FRAS1: variants seen among roughly 807,000 people sequenced by gnomAD.
The protein encoded by FRAS1 is Fraser extracellular matrix complex subunit 1, also known as extracellular matrix organizing protein FRAS1.
In FRAS1, 290 loss-of-function variants were observed where a neutral mutation model predicts 435.2. That is an observed-to-expected ratio of 0.67 (90% confidence interval 0.61 to 0.73). The LOEUF (loss-of-function observed/expected upper bound fraction) is 0.73. Ranked by LOEUF, FRAS1 falls within the 30% of genes least tolerant of loss-of-function variation. FRAS1 has a pLI of 0.00. For synonymous variants in FRAS1, 1,800 were observed against 1,851.0 expected (o/e 0.97, Z 0.71); for missense variants, 4,860 against 5,001.5 (o/e 0.97, Z 0.85).
At chr4:78,198,083 C>T (rs1306672790) in intron 2 of FRAS1, among the ~76,000 whole-genome samples, 1 of 152,166 alleles carries the variant, frequency 6.6e-6, no homozygotes, top group Non-Finnish European at 1.5e-5. Flanking sequence ...AGTGACAGTT[C>T]CATGAGAGGC....
At chr4:78,144,476 G>T (rs1560547958) in intron 2 of FRAS1, among the ~76,000 whole-genome samples, 1 of 149,478 alleles carries the variant, frequency 6.7e-6, no homozygotes, top group Non-Finnish European at 1.5e-5. Context: ...GTGTGTGTGT[G>T]TTTTGTTTGT....
At chr4:78,208,087 C>G (rs990339342) in intron 2 of FRAS1, among the ~76,000 whole-genome samples, 19 of 152,166 alleles carry the variant, frequency 1.2e-4, no homozygotes, top group Admixed American at 2.0e-4. Context: ...GTATCCACAG[C>G]TGAGAGACCT....
chr4:78,072,153 A>T (rs1038199240), intron 2 of FRAS1: 7 of 152,126 alleles, frequency 4.6e-5, no homozygotes, highest in African/African-American at 1.7e-4. Context: ...AAATTTTTTA[A>T]CTCATGGGAG....
At chr4:78,445,734 AAGGTTGAGCCCTTGACCACAAT>A in intron 42 of FRAS1, 22 bp downstream of exon 42, 7 of 1,613,670 alleles carry the variant, frequency 4.3e-6, no homozygotes, top group South Asian at 1.1e-5. Context: ...GGAAGTTGGA[AAGGTTGAGCCCTTGACCACAAT>A]ATTTCACACC....
intron 2 of FRAS1, among the ~76,000 whole-genome samples, chr4:78,151,328 A>C (rs1037167056): frequency 6.6e-6 from 1 of 152,136 alleles, no homozygotes; most frequent in Non-Finnish European, 1.5e-5. Flanking sequence ...CTTTGTTCCA[A>C]AATGTTTATT....
rs371731255 is a variant in FRAS1 at position 78,161,493 on chromosome 4, A to C, written c.109-76017A>C. 5.3e-5 allele frequency among the ~76,000 whole-genome samples: 8 copies of C among 152,218 alleles called. No individual in the cohort carries two copies. In the East Asian group the frequency reaches 1.5e-3, roughly 29 times the overall value. On this transcript the variant is annotated intron_variant, in intron 2 of 73. Transcript: ENST00000512123. ...CCTTGGATGATTGTTTTGGTGATTA[A>C]ATGGAATAATCTAGACAGGGCAGTT...
chr4:78,211,407 G>A (rs914261195), intron 2 of FRAS1, among the ~76,000 whole-genome samples: 1 of 152,204 alleles, frequency 6.6e-6, no homozygotes, highest in African/African-American at 2.4e-5. Flanking sequence ...GAGGCAGGAG[G>A]CTGATTCTGA....
intron 19 of FRAS1, among the ~76,000 whole-genome samples, chr4:78,335,647 A>C (rs1344287815): frequency 6.6e-6 from 1 of 152,196 alleles, no homozygotes; most frequent in Non-Finnish European, 1.5e-5. Flanking sequence ...ATGCACTTGT[A>C]TGGAATCAAG....
Position 78,418,982 on chromosome 4 carries a change from C to T in FRAS1, c.4459C>T (p.His1487Tyr). ...REDGLTVIQP[H>Y]SLSFINSEKP... Reference sequence around the variant, plus strand: ...AGATGGCCTGACTGTTATTCAGCCTCATTCCCTCTCCTTCATAAACTCTGA... The same window carrying T: ...AGATGGCCTGACTGTTATTCAGCCTTATTCCCTCTCCTTCATAAACTCTGA... The change falls in exon 33 of 74, where the codon CAT becomes TAT. Residue 1487 changes from histidine (H) to tyrosine (Y), a missense_variant. By Grantham distance (83) the His-to-Tyr change is moderately conservative (BLOSUM62 2). Transcript: ENST00000512123. The T allele has an allele frequency of 6.2e-7, 1 of 1,605,504 alleles. No homozygotes were observed. The highest frequency in any genetic ancestry group is 8.5e-7 in the Non-Finnish European group (1 of 1,176,396).
chr4:78,098,704 A>G (rs1273947752), intron 2 of FRAS1, among the ~76,000 whole-genome samples: 1 of 152,222 alleles, frequency 6.6e-6, no homozygotes, highest in Non-Finnish European at 1.5e-5. Flanking sequence ...TGAGTGATCA[A>G]TGCCCCTTAA....
intron 28 of FRAS1, among the ~76,000 whole-genome samples, chr4:78,385,257 T>C (rs1175188439): frequency 1.3e-5 from 2 of 152,216 alleles, no homozygotes. Context: ...TATATTCATA[T>C]GTTATGAAAA....
chr4:78,312,245 A>G (rs1705525875), intron 15 of FRAS1, among the ~76,000 whole-genome samples: 1 of 146,166 alleles, frequency 6.8e-6, no homozygotes, highest in Non-Finnish European at 1.5e-5. Flanking sequence ...TTCACGATCC[A>G]GTTTTCCCAA....
intron 16 of FRAS1, among the ~76,000 whole-genome samples, chr4:78,316,193 A>G (rs1729237929): frequency 6.6e-6 from 1 of 152,214 alleles, no homozygotes. Context: ...TTTGTGTGCT[A>G]CTTATATATT....
At chr4:78,211,431 G>A (rs1209834035) in intron 2 of FRAS1, among the ~76,000 whole-genome samples, 1 of 152,168 alleles carries the variant, frequency 6.6e-6, no homozygotes, top group African/African-American at 2.4e-5. Context: ...CCTAATAGAA[G>A]GGGCTATGAC....
intron 2 of FRAS1, among the ~76,000 whole-genome samples, chr4:78,236,730 GA>G (rs1433328764): frequency 1.3e-5 from 2 of 152,218 alleles, no homozygotes; most frequent in Non-Finnish European, 2.9e-5. Flanking sequence ...GAGGAAAGGT[GA>G]GAAATAGGGA....
At chr4:78,463,480 C>T (rs116258673) in intron 47 of FRAS1, among the ~76,000 whole-genome samples, 1,667 of 152,230 alleles carry the variant, frequency 0.011, 18 homozygotes, top group Non-Finnish European at 0.017. Context: ...AAGCTAGAAT[C>T]GTAGACCTGA....
rs1722101043 is a variant in FRAS1, at chr4:78,542,868, A to G, written c.*1744A>G. On this transcript the variant is annotated 3_prime_UTR_variant, in exon 74 of 74. Coordinates refer to ENST00000512123, the MANE Select transcript of FRAS1 (RefSeq NM_025074.7). Reference sequence around the variant, plus strand: ...AGAGAGGAAAACAATTATCTTCTCTACTTGGATTATGAGATAACCTTTTCT... The same window carrying G: ...AGAGAGGAAAACAATTATCTTCTCTGCTTGGATTATGAGATAACCTTTTCT... 1 of 152,230 alleles carries G rather than the reference A, an allele frequency of 6.6e-6. No homozygotes were observed. The highest frequency in any genetic ancestry group is 2.1e-4 in the South Asian group (1 of 4,832). 9.4% of individuals were successfully genotyped at this position (152,230 alleles called of 1,614,324 possible).
chr4:78,231,754 A>T (rs1724527877), intron 2 of FRAS1, among the ~76,000 whole-genome samples: 1 of 152,114 alleles, frequency 6.6e-6, no homozygotes, highest in Admixed American at 6.6e-5. Flanking sequence ...TTCAGTAAAT[A>T]CTTTCCCAAG....
intron 43 of FRAS1, 143 bp downstream of exon 43, chr4:78,447,023 G>T: frequency 1.2e-6 from 1 of 842,046 alleles, no homozygotes; most frequent in Non-Finnish European, 1.7e-6. Context: ...TTCACAGCTG[G>T]CTAATATTTT....
Sources: gnomAD v4.1 joint callset for allele counts (sites outside exome capture counted in the v4.1 genomes callset) on GRCh38, gnomAD v4.1.1 for gene constraint, MANE v1.5 for transcripts, NCBI Gene and HGNC (gene_info 2026-07-23, HGNC 2026-07-21) for gene names.